Variants in IFT46 observed in about 807,000 individuals in gnomAD.
IFT46 encodes the protein intraflagellar transport 46, also known as intraflagellar transport protein 46 homolog.
In IFT46, 19 loss-of-function variants were observed where a neutral mutation model predicts 39.6. That is an observed-to-expected ratio of 0.48 (90% CI 0.33 to 0.70). The LOEUF (loss-of-function observed/expected upper bound fraction) is 0.70. Ranked by LOEUF, IFT46 falls within the 30% of genes least tolerant of loss-of-function variation. The pLI is 0.01. For synonymous variants in IFT46, 117 were observed against 134.8 expected (o/e 0.87, Z 0.91); for missense variants, 334 against 364.8 (o/e 0.92, Z 0.69).
chr11:118,561,024 T>A, intron 2 of IFT46: 1 of 1,506,260 alleles, frequency 6.6e-7, no homozygotes, highest in Non-Finnish European at 9.1e-7. Flanking sequence ...CCCAATAGGT[T>A]TGGCATGGAC....
In IFT46 at chr11:118,552,339, G is replaced by A; in HGVS notation, c.484-4C>T. 1 of 1,613,932 alleles carries A rather than the reference G, an allele frequency of 6.2e-7. No homozygotes were observed. Among genetic ancestry groups the A allele is most frequent in the Non-Finnish European group, 8.5e-7 (1 of 1,179,938 alleles). The stretch of plus-strand genomic sequence containing the variant: ...GGCTTTTTACTTTCATATGTTGCTA[G>A]GAAAGTAAGGAGAAAGCCTAGCTGA... On this transcript the variant is annotated splice_polypyrimidine_tract_variant and splice_region_variant and intron_variant, in intron 7 of 11. Transcript: ENST00000264021.
intron 3 of IFT46, chr11:118,557,614 A>G (rs1156355631): frequency 1.7e-6 from 2 of 1,168,914 alleles, no homozygotes; most frequent in African/African-American, 3.1e-5. Flanking sequence ...GTTCAGTGAT[A>G]TTTCTCTTCA....
upstream of IFT46, among the ~76,000 whole-genome samples, chr11:118,576,228 C>G (rs1324268680): frequency 2.6e-5 from 4 of 151,302 alleles, no homozygotes; most frequent in African/African-American, 9.7e-5. Flanking sequence ...GTTATTTAGT[C>G]CAAAGATAGT....
upstream of IFT46, among the ~76,000 whole-genome samples, chr11:118,566,688 G>A (rs1194717869): frequency 2.0e-5 from 3 of 152,060 alleles, no homozygotes; most frequent in African/African-American, 4.8e-5. Flanking sequence ...GCGAGACTCC[G>A]TCTCAAAAAA....
At chr11:118,552,127 G>A (rs1937661864) in intron 8 of IFT46, 87 bp downstream of exon 8, 2 of 1,498,488 alleles carry the variant, frequency 1.3e-6, no homozygotes, top group Non-Finnish European at 9.1e-7. Flanking sequence ...TATGTTCCCA[G>A]CCTCTGGGCC....
chr11:118,557,726 A>G, intron 3 of IFT46: 1 of 1,613,794 alleles, frequency 6.2e-7, no homozygotes, highest in Non-Finnish European at 8.5e-7. Context: ...TGTTCTTGAC[A>G]TTATAACCTA....
At chr11:118,558,624 G>A (rs1937922647) in intron 3 of IFT46, among the ~76,000 whole-genome samples, 1 of 151,760 alleles carries the variant, frequency 6.6e-6, no homozygotes, top group African/African-American at 2.4e-5. Flanking sequence ...CCATTAAAAT[G>A]CAGCCATCAG....
chr11:118,557,199 T>G (rs535569308), intron 3 of IFT46, 154 bp from the exon 4 acceptor site: 43 of 583,276 alleles, frequency 7.4e-5, no homozygotes, highest in African/African-American at 6.7e-4. Context: ...CTTGAGAGCC[T>G]TCTTCTGCCC....
intron 1 of IFT46, among the ~76,000 whole-genome samples, chr11:118,571,984 G>C (rs782394810): frequency 6.6e-6 from 1 of 151,798 alleles, no homozygotes; most frequent in East Asian, 1.9e-4. Context: ...CAGCTACTCC[G>C]GAGGCTGAGG....
At chr11:118,572,796 G>T (rs1445669644) in exon 1 of IFT46, 3 of 465,204 alleles carry the variant, frequency 6.4e-6, no homozygotes, top group African/African-American at 6.0e-5. Flanking sequence ...GGACTCCCTC[G>T]TTTGCTGGGA....
upstream of IFT46, among the ~76,000 whole-genome samples, chr11:118,569,692 C>T (rs139875566): frequency 1.0e-3 from 159 of 152,196 alleles, no homozygotes; most frequent in African/African-American, 3.7e-3. Context: ...CTTCTCTGTA[C>T]CTTGATTTCC....
intron 1 of IFT46, among the ~76,000 whole-genome samples, chr11:118,571,785 T>C (rs373073287): frequency 1.3e-5 from 2 of 152,344 alleles, no homozygotes; most frequent in South Asian, 2.1e-4. Flanking sequence ...TGTCTTTTTA[T>C]TGCTGAGTTA....
At chr11:118,573,131 C>G (rs1555072771), upstream of IFT46, among the ~76,000 whole-genome samples, 1 of 152,194 alleles carries the variant, frequency 6.6e-6, no homozygotes, top group Non-Finnish European at 1.5e-5. Flanking sequence ...CCAAGTGTCT[C>G]TGAAACCTTC....
chr11:118,572,774 C>T, exon 1 of IFT46: 1 of 490,158 alleles, frequency 2.0e-6, no homozygotes, highest in Non-Finnish European at 3.6e-6. Context: ...CCGCACCACC[C>T]CCCAACCAGC....
At chr11:118,551,137 C>T (rs1368738572) in intron 9 of IFT46, among the ~76,000 whole-genome samples, 1 of 149,460 alleles carries the variant, frequency 6.7e-6, no homozygotes, top group Admixed American at 6.7e-5. Context: ...TTTGGGAGGC[C>T]AAGGCAGACG....
At chr11:118,552,076 C>G in intron 8 of IFT46, 138 bp downstream of exon 8, 1 of 1,086,616 alleles carries the variant, frequency 9.2e-7, no homozygotes, top group Non-Finnish European at 1.4e-6. Context: ...ACAATCTCAG[C>G]CAGTAGTTGC....
chr11:118,561,714 T>A (rs1233544507), intron 2 of IFT46: 3 of 253,886 alleles, frequency 1.2e-5, no homozygotes, highest in East Asian at 1.5e-4. Flanking sequence ...AACCCAGGCC[T>A]CTTATAAGGA....
At chr11:118,573,797 A>G (rs1162982560), upstream of IFT46, 4 of 533,432 alleles carry the variant, frequency 7.5e-6, no homozygotes, top group East Asian at 3.1e-5. Context: ...TATAAATTGC[A>G]TCAAACAGGT....
At chr11:118,545,919 T>C (rs372647003) in intron 9 of IFT46, 66 bp from the exon 10 acceptor site, 2 of 1,383,740 alleles carry the variant, frequency 1.4e-6, no homozygotes, top group African/African-American at 2.8e-5. Context: ...CCACTCTCTC[T>C]CTCTGAAGCA....
Sources: allele counts gnomAD v4.1 joint callset (sites outside exome capture counted in the v4.1 genomes callset), GRCh38; gene constraint gnomAD v4.1.1; transcripts MANE v1.5; gene names NCBI Gene and HGNC (gene_info 2026-07-23, HGNC 2026-07-21).